Variants in EIF4B observed in about 807,000 individuals in gnomAD.
EIF4B encodes eukaryotic translation initiation factor 4B.
In EIF4B, 8 loss-of-function variants were observed where a neutral mutation model predicts 79.3. That is an observed-to-expected ratio of 0.10 (90% CI 0.06 to 0.18). The LOEUF is 0.18. Ranked by LOEUF, EIF4B falls within the 10% of genes least tolerant of loss-of-function variation. The pLI, the probability that EIF4B is intolerant of heterozygous loss-of-function variation, is 1.00. For missense variants in EIF4B, 515 were observed against 792.4 expected, an observed-to-expected ratio of 0.65 and a Z score of 4.20; for synonymous variants, 238 against 274.7, an observed-to-expected ratio of 0.87 and a Z score of 1.32.
In EIF4B at chr12:53,032,669, G is replaced by GTT. The variant is rs779279397; in HGVS notation, c.980-1123_980-1122dup. Among the ~76,000 whole-genome samples, 557 of 132,226 alleles carry GTT rather than the reference G, an allele frequency of 4.2e-3. 6 individuals carry two copies. Among genetic ancestry groups the GTT allele is most frequent in the African/African-American group, 1.0e-2 (356 of 35,750 alleles). 86.7% of individuals were successfully genotyped at this position (132,226 alleles called of 152,430 possible). A position where few individuals can be genotyped will look rare whatever the true frequency, so the allele number is the denominator to read the frequency against. On this transcript the variant is annotated intron_variant, in intron 8 of 14. Coordinates refer to ENST00000262056, the MANE Select transcript of EIF4B (RefSeq NM_001417.7). ...AGAGTAATTGAACTTGGGTTTTTTT[G>GTT]TTTTTTTTTTTTTTTGAGATGGAGT...
In EIF4B at chr12:53,010,392, G is replaced by A. The variant is rs188482829; in HGVS notation, c.13+3896G>A. ...ACTTTACAATGGGTTTATCCGGATA[G>A]TAAATGCATTTTTTTACTTGAGAAG... On this transcript the variant is annotated intron_variant, in intron 1 of 14. Coordinates refer to ENST00000262056, the MANE Select transcript of EIF4B (RefSeq NM_001417.7). 2.6e-5 allele frequency among the ~76,000 whole-genome samples: 4 copies of A among 152,304 alleles called. No individual in the cohort carries two copies. In the East Asian group the frequency reaches 7.7e-4, roughly 29 times the overall value.
At chr12:53,016,357 C>A in intron 1 of EIF4B, 116 bp from the exon 2 acceptor site, 1 of 1,357,920 alleles carries the variant, frequency 7.4e-7, no homozygotes, top group Non-Finnish European at 1.0e-6. Context: ...ATAATTTAAC[C>A]ATTTGAGGAG....
rs1459631158 is a variant in EIF4B at position 53,041,044 on chromosome 12, C to T, written c.*821C>T. ...AGTGTTTTCTGTGTCCTAGTTTTAC[C>T]CTTTCTAAACACTGTCCTTTTTGAA... is the stretch of plus-strand genomic sequence containing the variant. On this transcript the variant is annotated 3_prime_UTR_variant, in exon 15 of 15. Coordinates refer to ENST00000262056, the MANE Select transcript of EIF4B (RefSeq NM_001417.7). The T allele has an allele frequency of 6.6e-6, 1 of 152,106 alleles. No homozygotes were observed. Among genetic ancestry groups the T allele is most frequent in the African/African-American group, 2.4e-5 (1 of 41,402 alleles). 9.4% of individuals were successfully genotyped at this position (152,106 alleles called of 1,614,324 possible). A position where few individuals can be genotyped will look rare whatever the true frequency, so the allele number is the denominator to read the frequency against.
rs547070443 is a variant in EIF4B at position 53,027,680 on chromosome 12, A to G, written c.668-102A>G. 9.0e-6 allele frequency: 13 copies of G among 1,447,820 alleles called. No individual in the cohort carries two copies. In the South Asian group the frequency reaches 2.0e-4, roughly 22 times the overall value. The allele number at this position is 1,447,820 out of a possible 1,614,324, so 89.7% of individuals were successfully genotyped here. On this transcript the variant is annotated intron_variant, in intron 6 of 14. Coordinates refer to ENST00000262056, the MANE Select transcript of EIF4B (RefSeq NM_001417.7). ...ACTTTTTGAAGAAATCAGATAGAAA[A>G]TTTAAATAAACAGATTCTTCCAAAT...
intron 2 of EIF4B, among the ~76,000 whole-genome samples, chr12:53,017,697 G>C (rs142018669): frequency 6.6e-6 from 1 of 152,108 alleles, no homozygotes; most frequent in African/African-American, 2.4e-5. Context: ...GGGTTCAAGC[G>C]ATTCTCCTGC....
chr12:53,022,418 GT>G, intron 5 of EIF4B, 74 bp from the exon 6 acceptor site: 2 of 1,592,196 alleles, frequency 1.3e-6, no homozygotes, highest in Non-Finnish European at 8.6e-7. Context: ...TAAAATGGGG[GT>G]TTTCTATGTG....
At chr12:53,006,667 G>C (rs1942965465) in intron 1 of EIF4B, among the ~76,000 whole-genome samples, 171 bp downstream of exon 1, 1 of 151,578 alleles carries the variant, frequency 6.6e-6, no homozygotes, top group Non-Finnish European at 1.5e-5. Context: ...GGATGTTTGG[G>C]GGGGAGGGGA....
intron 4 of EIF4B, among the ~76,000 whole-genome samples, chr12:53,021,072 T>C (rs190535111): frequency 5.3e-5 from 8 of 152,344 alleles, no homozygotes; most frequent in East Asian, 3.8e-4. Flanking sequence ...ATCATTGTTA[T>C]CCTTCAACTG....
chr12:53,030,410 A>ATTTTTTTTTTTTTT (rs1555153412), intron 8 of EIF4B, among the ~76,000 whole-genome samples: 15 of 34,248 alleles, frequency 4.4e-4, no homozygotes, highest in Non-Finnish European at 1.0e-3. Context: ...AAAAAATTAT[A>ATTTTTTTTTTTTTT]TTCTTTTTTT....
At chr12:53,024,789 G>T (rs982896177) in intron 6 of EIF4B, among the ~76,000 whole-genome samples, 8 of 152,096 alleles carry the variant, frequency 5.3e-5, no homozygotes, top group Non-Finnish European at 1.2e-4. Context: ...CTGAGTAGCT[G>T]GGATTACAGA....
At chr12:53,012,797 G>A (rs1219873871) in intron 1 of EIF4B, among the ~76,000 whole-genome samples, 3 of 151,490 alleles carry the variant, frequency 2.0e-5, no homozygotes, top group South Asian at 2.1e-4. Flanking sequence ...TAGTAGAGAC[G>A]GGGTTTCACC....
chr12:53,033,239 G>T (rs1033993124), intron 8 of EIF4B, among the ~76,000 whole-genome samples: 1 of 151,282 alleles, frequency 6.6e-6, no homozygotes, highest in Admixed American at 6.6e-5. Context: ...TGTTGGTCTC[G>T]AACTCCCGAC....
chr12:53,036,037 G>T (rs1199608006), intron 10 of EIF4B, among the ~76,000 whole-genome samples: 1 of 137,696 alleles, frequency 7.3e-6, no homozygotes, highest in African/African-American at 2.7e-5. Flanking sequence ...ACCCGTCTCG[G>T]CCTCCCAAAG....
chr12:53,022,590 C>T lies in EIF4B; in HGVS notation c.630C>T (p.Asp210=), dbSNP rs1244073866. The T allele has an allele frequency of 6.2e-7, 1 of 1,613,876 alleles. No homozygotes were observed. Among genetic ancestry groups the T allele is most frequent in the Non-Finnish European group, 8.5e-7 (1 of 1,179,896 alleles). ...RARPATDSFD[D]YPPRRGDDSF... The stretch of plus-strand genomic sequence containing the variant: ...GTCCTGCTACAGACAGCTTTGATGA[C>T]TACCCACCTAGAAGAGGTGATGATA... The change falls in exon 6 of 15, where the codon GAC becomes GAT. Residue 210 remains aspartate, a synonymous_variant. Coordinates refer to ENST00000262056, the MANE Select transcript of EIF4B (RefSeq NM_001417.7).
chr12:53,027,049 G>A (rs752697481), intron 6 of EIF4B, among the ~76,000 whole-genome samples: 1 of 150,806 alleles, frequency 6.6e-6, no homozygotes, highest in African/African-American at 2.4e-5. Context: ...CAGCACTTTG[G>A]GAGACCAAGG....
At chr12:53,039,865 A>ATC in intron 14 of EIF4B, 163 bp downstream of exon 14, 9 of 847,626 alleles carry the variant, frequency 1.1e-5, no homozygotes, top group Non-Finnish European at 1.4e-5. Flanking sequence ...ATTGGTCTTT[A>ATC]CTGAAATAGC....
chr12:53,040,476 C>T lies in EIF4B; in HGVS notation c.*253C>T, dbSNP rs1202367248. 3.4e-5 allele frequency: 13 copies of T among 381,164 alleles called. No individual in the cohort carries two copies. The East Asian group carries it at 3.5e-4, about 10-fold the overall frequency. 23.6% of individuals were successfully genotyped at this position (381,164 alleles called of 1,614,324 possible). On this transcript the variant is annotated 3_prime_UTR_variant, in exon 15 of 15. Transcript: ENST00000262056. ...GCTTTTTAGAGGAAAAGTTGTGGTG[C>T]GTTATGTCACCATGCAGTTGCCAGT...
intron 8 of EIF4B, among the ~76,000 whole-genome samples, chr12:53,028,785 G>A (rs1943384222): frequency 1.3e-5 from 2 of 152,044 alleles, no homozygotes; most frequent in African/African-American, 4.8e-5. Context: ...ATGAAATTCA[G>A]ATTAAACATA....
In EIF4B at chr12:53,039,466, G is replaced by A. The variant is rs1034448519; in HGVS notation, c.1682+123G>A. The A allele has an allele frequency of 1.1e-5, 14 of 1,220,892 alleles. No homozygotes were observed. The Admixed American group carries it at 1.5e-4, about 13-fold the overall frequency. 75.6% of individuals were successfully genotyped at this position (1,220,892 alleles called of 1,614,324 possible). On this transcript the variant is annotated intron_variant, in intron 13 of 14. Transcript: ENST00000262056. Reference sequence around the variant, plus strand: ...TGTGAGCAAACTAAAGTCAGCCAACGTAGACAGTTAAGATTCTGAAAATCT... The same window carrying A: ...TGTGAGCAAACTAAAGTCAGCCAACATAGACAGTTAAGATTCTGAAAATCT...
Sources: allele counts gnomAD v4.1 joint callset (sites outside exome capture counted in the v4.1 genomes callset), GRCh38; gene constraint gnomAD v4.1.1; transcripts MANE v1.5; gene names NCBI Gene and HGNC (gene_info 2026-07-23, HGNC 2026-07-21).